TAF1B: variants seen among roughly 807,000 people sequenced by gnomAD.
TAF1B encodes the protein TATA box-binding protein-associated factor RNA polymerase I subunit B.
TAF1B carries 61 observed loss-of-function variants against 83.9 expected under a neutral mutation model. That is an observed-to-expected ratio of 0.73 (90% confidence interval 0.59 to 0.90). TAF1B has a LOEUF of 0.90. Among genes scored for constraint, TAF1B ranks in the 40% least tolerant of loss-of-function variants. The pLI is 0.00. For synonymous variants in TAF1B, 221 were observed against 224.6 expected, an observed-to-expected ratio of 0.98 and a Z score of 0.14; for missense variants, 625 against 677.0, an observed-to-expected ratio of 0.92 and a Z score of 0.85.
chr2:9,861,769 A>G (rs1350653817), intron 5 of TAF1B, among the ~76,000 whole-genome samples: 5 of 152,246 alleles, frequency 3.3e-5, no homozygotes, highest in Admixed American at 1.3e-4. Context: ...ACGATCAGGC[A>G]GCAGCATTTG....
Position 9,843,496 on chromosome 2 carries a change from T to C in TAF1B, c.-46T>C, listed in dbSNP as rs1230412668. 2 of 1,519,520 alleles carry C rather than the reference T, an allele frequency of 1.3e-6. No individual in the cohort carries two copies. Among genetic ancestry groups the C allele is most frequent in the Middle Eastern group, 1.8e-4 (1 of 5,682 alleles). 94.1% of individuals were successfully genotyped at this position (1,519,520 alleles called of 1,614,324 possible). A position where few individuals can be genotyped will look rare whatever the true frequency, so the allele number is the denominator to read the frequency against. On this transcript the variant is annotated 5_prime_UTR_variant, in exon 1 of 15. Transcript: ENST00000263663. ...AGCCTTTCCCGGAAGCTGCGCTCGC[T>C]ACCCGGGTAACGGGTCCCGGCTGTG... is the stretch of plus-strand genomic sequence containing the variant.
intron 14 of TAF1B, among the ~76,000 whole-genome samples, chr2:9,927,163 T>A (rs1213049100): frequency 2.0e-5 from 3 of 152,162 alleles, no homozygotes; most frequent in Non-Finnish European, 4.4e-5. Flanking sequence ...GAATGATGGT[T>A]TCCAGCTTCA....
chr2:9,929,796 C>G (rs1337082204), intron 14 of TAF1B, among the ~76,000 whole-genome samples: 1 of 152,116 alleles, frequency 6.6e-6, no homozygotes, highest in African/African-American at 2.4e-5. Context: ...ATGAGTTCGG[C>G]TGTGAATCCG....
At chr2:9,925,207 C>T (rs561689058) in intron 14 of TAF1B, among the ~76,000 whole-genome samples, 10 of 151,990 alleles carry the variant, frequency 6.6e-5, no homozygotes, top group East Asian at 1.9e-4. Context: ...TTTGGGAGGC[C>T]GAGGTGGGCG....
chr2:9,887,503 C>T (rs1664716078), intron 8 of TAF1B, among the ~76,000 whole-genome samples: 1 of 151,846 alleles, frequency 6.6e-6, no homozygotes, highest in African/African-American at 2.4e-5. Flanking sequence ...TCACTTTTTT[C>T]TCCTCGTGCT....
At chr2:9,844,660 T>C (rs529556700) in intron 1 of TAF1B, among the ~76,000 whole-genome samples, 2 of 152,198 alleles carry the variant, frequency 1.3e-5, no homozygotes, top group Non-Finnish European at 2.9e-5. Context: ...AAATGAATAA[T>C]TGTAACTCAC....
At chr2:9,908,102 A>ATGG (rs1179611875) in intron 9 of TAF1B, among the ~76,000 whole-genome samples, 1 of 70,198 alleles carries the variant, frequency 1.4e-5, no homozygotes, top group African/African-American at 3.9e-5. Flanking sequence ...CTGGAGTGTA[A>ATGG]TGGCGTGATC....
Position 9,877,560 on chromosome 2 carries a change from G to C in TAF1B, c.707+1542G>C, listed in dbSNP as rs1482585588. On this transcript the variant is annotated intron_variant, in intron 7 of 14. Transcript: ENST00000263663. ...ATTTGGATTGCTTAACAGTCTCCCAGATGAGCTCTGTGTCTGTAATCTTGT... is the reference window on the plus strand; with the variant it reads ...ATTTGGATTGCTTAACAGTCTCCCACATGAGCTCTGTGTCTGTAATCTTGT... Among the ~76,000 whole-genome samples the C allele has an allele frequency of 3.9e-5, 6 of 152,144 alleles. No individual in the cohort carries two copies. The East Asian group carries it at 1.2e-3, about 30-fold the overall frequency.
intron 5 of TAF1B, among the ~76,000 whole-genome samples, chr2:9,860,023 C>T (rs888876536): frequency 6.6e-6 from 1 of 152,236 alleles, no homozygotes; most frequent in Non-Finnish European, 1.5e-5. Context: ...CAAGGCATGT[C>T]TTCCATGGCA....
chr2:9,866,297 A>G (rs565360475), intron 5 of TAF1B, among the ~76,000 whole-genome samples: 4 of 152,380 alleles, frequency 2.6e-5, no homozygotes, highest in African/African-American at 9.6e-5. Context: ...TCATTTCTCA[A>G]AAGAAGACAT....
intron 5 of TAF1B, among the ~76,000 whole-genome samples, chr2:9,863,627 A>G (rs566837220): frequency 6.6e-6 from 1 of 152,346 alleles, no homozygotes; most frequent in South Asian, 2.1e-4. Context: ...TCTCCATCCT[A>G]AATCAACAGA....
Position 9,895,440 on chromosome 2 carries a change from G to A in TAF1B, c.808-9419G>A, listed in dbSNP as rs141415934. ...CACCTGAGCCCAGAAAGTGGAAGCCGCAGTGAGCTGTGATTGTGCCACTGC... is the reference window on the plus strand; with the variant it reads ...CACCTGAGCCCAGAAAGTGGAAGCCACAGTGAGCTGTGATTGTGCCACTGC... On this transcript the variant is annotated intron_variant, in intron 8 of 14. Coordinates refer to ENST00000263663, the MANE Select transcript of TAF1B (RefSeq NM_005680.3). Among the ~76,000 whole-genome samples the A allele has an allele frequency of 1.4e-3, 214 of 152,268 alleles. 6 individuals carry two copies. The East Asian group carries it at 0.037, about 26-fold the overall frequency.
At chr2:9,876,110 C>T in intron 7 of TAF1B, 92 bp downstream of exon 7, 1 of 1,343,936 alleles carries the variant, frequency 7.4e-7, no homozygotes, top group East Asian at 2.4e-5. Context: ...TATAAGAAGG[C>T]TTAACTTGAG....
intron 5 of TAF1B, among the ~76,000 whole-genome samples, chr2:9,866,931 T>C (rs1176483757): frequency 6.6e-6 from 1 of 151,302 alleles, no homozygotes; most frequent in Non-Finnish European, 1.5e-5. Context: ...TACCGGGGAC[T>C]GTTGTGGGGT....
chr2:9,903,400 T>G (rs1360504185), intron 8 of TAF1B, among the ~76,000 whole-genome samples: 1 of 152,138 alleles, frequency 6.6e-6, no homozygotes, highest in African/African-American at 2.4e-5. Context: ...TAAACTAAAT[T>G]TTTTATGTGA....
chr2:9,880,070 C>T (rs1572243450), intron 7 of TAF1B, among the ~76,000 whole-genome samples: 1 of 152,116 alleles, frequency 6.6e-6, no homozygotes, highest in Admixed American at 6.5e-5. Context: ...TTGCTATCCT[C>T]CAGGCAAGAG....
chr2:9,852,613 TC>T (rs1246362122), intron 4 of TAF1B, among the ~76,000 whole-genome samples: 1 of 152,122 alleles, frequency 6.6e-6, no homozygotes, highest in African/African-American at 2.4e-5. Context: ...TGTCTCAGCC[TC>T]CCGAGTAGCT....
intron 6 of TAF1B, among the ~76,000 whole-genome samples, chr2:9,875,300 T>A (rs1664289974): frequency 6.6e-6 from 1 of 152,212 alleles, no homozygotes; most frequent in Non-Finnish European, 1.5e-5. Flanking sequence ...ATCCCACTCC[T>A]ACAGATATCC....
intron 5 of TAF1B, among the ~76,000 whole-genome samples, chr2:9,854,771 A>G (rs1238688212): frequency 6.6e-6 from 1 of 152,186 alleles, no homozygotes; most frequent in Non-Finnish European, 1.5e-5. Context: ...TGCTTGGAAT[A>G]CCTACTTACT....
Sources: allele counts gnomAD v4.1 joint callset (sites outside exome capture counted in the v4.1 genomes callset), GRCh38; gene constraint gnomAD v4.1.1; transcripts MANE v1.5; gene names NCBI Gene and HGNC (gene_info 2026-07-23, HGNC 2026-07-21).